Variants in ERBB4 observed in about 807,000 individuals in gnomAD.
The protein encoded by ERBB4 is erb-b2 receptor tyrosine kinase 4, also known as receptor tyrosine-protein kinase erbB-4.
A neutral mutation model predicts 158.0 loss-of-function variants in ERBB4; 42 were observed. The ratio of observed to expected loss-of-function variants is 0.27; its 90% confidence interval spans 0.21 to 0.34. The LOEUF is 0.34. Among genes scored for constraint, ERBB4 ranks in the 10% least tolerant of loss-of-function variants. The pLI, the probability that ERBB4 is intolerant of heterozygous loss-of-function variation, is 1.00. For synonymous variants in ERBB4, 583 were observed against 558.7 expected, an observed-to-expected ratio of 1.04 and a Z score of -0.61; for missense variants, 1,333 against 1,624.1, an observed-to-expected ratio of 0.82 and a Z score of 3.08.
chr2:211,858,199 T>C (rs1293779826), intron 3 of ERBB4, among the ~76,000 whole-genome samples: 7 of 152,142 alleles, frequency 4.6e-5, no homozygotes, highest in Non-Finnish European at 4.4e-5. Context: ...TGCACAGTGA[T>C]ACTGAGACCA....
intron 1 of ERBB4, among the ~76,000 whole-genome samples, chr2:212,287,759 T>C (rs558249561): frequency 6.6e-6 from 1 of 152,326 alleles, no homozygotes; most frequent in East Asian, 1.9e-4. Flanking sequence ...ATTATGTCCT[T>C]TGCAGGGACA....
intron 12 of ERBB4, among the ~76,000 whole-genome samples, chr2:211,680,663 C>T (rs1045873802): frequency 4.6e-5 from 7 of 152,204 alleles, no homozygotes; most frequent in South Asian, 2.1e-4. Context: ...TCTGAAACAG[C>T]GAAACAAATA....
intron 27 of ERBB4, among the ~76,000 whole-genome samples, chr2:211,386,090 G>A (rs1035954172): frequency 6.5e-4 from 99 of 152,242 alleles, no homozygotes; most frequent in African/African-American, 2.3e-3. Flanking sequence ...TGACACTAAA[G>A]ACTGCGAGAG....
chr2:212,111,567 T>C (rs193145115), intron 2 of ERBB4, among the ~76,000 whole-genome samples: 1 of 152,302 alleles, frequency 6.6e-6, no homozygotes, highest in East Asian at 1.9e-4. Flanking sequence ...TGAATAGAAT[T>C]TTTAAAAAGG....
chr2:212,190,928 T>A (rs2082169935), intron 1 of ERBB4, among the ~76,000 whole-genome samples: 1 of 152,098 alleles, frequency 6.6e-6, no homozygotes, highest in Non-Finnish European at 1.5e-5. Context: ...ACACATATAA[T>A]ATCCTAATGC....
intron 1 of ERBB4, among the ~76,000 whole-genome samples, chr2:212,492,401 T>TA (rs145133748): frequency 0.046 from 6,990 of 151,338 alleles, 536 homozygotes; most frequent in African/African-American, 0.16. Flanking sequence ...TAAAATAAAT[T>TA]TAAAAAATAA....
intron 2 of ERBB4, among the ~76,000 whole-genome samples, chr2:212,056,249 A>G (rs908113578): frequency 5.3e-5 from 8 of 152,222 alleles, no homozygotes; most frequent in Non-Finnish European, 8.8e-5. Context: ...AAAGAAATGA[A>G]CAAAGCCTCC....
intron 1 of ERBB4, among the ~76,000 whole-genome samples, chr2:212,280,620 T>C (rs2085721111): frequency 6.6e-6 from 1 of 151,730 alleles, no homozygotes; most frequent in East Asian, 1.9e-4. Flanking sequence ...GCTGTTGTTG[T>C]TGTTTTCCTG....
At chr2:211,644,305 T>C (rs2070705919) in intron 16 of ERBB4, among the ~76,000 whole-genome samples, 1 of 152,096 alleles carries the variant, frequency 6.6e-6, no homozygotes, top group South Asian at 2.1e-4. Flanking sequence ...ATATAACTCC[T>C]TTCTAAACTT....
At chr2:211,648,642 T>C (rs1285218870) in intron 16 of ERBB4, among the ~76,000 whole-genome samples, 2 of 151,752 alleles carry the variant, frequency 1.3e-5, no homozygotes, top group Non-Finnish European at 3.0e-5. Flanking sequence ...GAATTTTTCT[T>C]GGGAGAAATC....
At chr2:211,808,101 C>G (rs544233585) in intron 3 of ERBB4, among the ~76,000 whole-genome samples, 8 of 152,138 alleles carry the variant, frequency 5.3e-5, no homozygotes, top group African/African-American at 1.7e-4. Flanking sequence ...ATGGTAGTTT[C>G]TCTTGCTGTG....
At chr2:211,748,261 T>G (rs1283468203) in intron 5 of ERBB4, among the ~76,000 whole-genome samples, 1 of 151,584 alleles carries the variant, frequency 6.6e-6, no homozygotes, top group Non-Finnish European at 1.5e-5. Context: ...AAAGTAATTA[T>G]TTTAATTGTA....
chr2:211,918,352 C>T (rs540698759), intron 3 of ERBB4, among the ~76,000 whole-genome samples: 32 of 151,946 alleles, frequency 2.1e-4, no homozygotes, highest in South Asian at 1.0e-3. Context: ...ACCCTTATTC[C>T]ATCCCCCTGT....
chr2:211,631,241 G>A (rs2070116139), intron 16 of ERBB4, among the ~76,000 whole-genome samples: 1 of 152,122 alleles, frequency 6.6e-6, no homozygotes, highest in Non-Finnish European at 1.5e-5. Flanking sequence ...GCAAAAATGA[G>A]TGGTCTGAAG....
At chr2:211,473,579 T>C (rs2064882878) in intron 20 of ERBB4, among the ~76,000 whole-genome samples, 1 of 152,076 alleles carries the variant, frequency 6.6e-6, no homozygotes, top group Non-Finnish European at 1.5e-5. Context: ...CTCAAAACTT[T>C]TTCCTTTTCC....
chr2:211,455,843 A>C (rs1043884433), intron 20 of ERBB4, among the ~76,000 whole-genome samples: 2 of 152,204 alleles, frequency 1.3e-5, no homozygotes, highest in African/African-American at 2.4e-5. Context: ...TAATTTTATC[A>C]GTTCCAGGAG....
intron 12 of ERBB4, among the ~76,000 whole-genome samples, chr2:211,683,169 T>C (rs1466407084): frequency 6.6e-6 from 1 of 151,998 alleles, no homozygotes; most frequent in African/African-American, 2.4e-5. Context: ...TACAGAGAGA[T>C]ACCGTGTTAT....
intron 2 of ERBB4, among the ~76,000 whole-genome samples, chr2:212,038,254 CTCTT>C (rs2077060168): frequency 6.6e-6 from 1 of 151,760 alleles, no homozygotes; most frequent in Non-Finnish European, 1.5e-5. Flanking sequence ...ATATATTAGT[CTCTT>C]TATTTATATA....
chr2:212,407,054 C>A (rs2106477550), intron 1 of ERBB4, among the ~76,000 whole-genome samples: 1 of 152,076 alleles, frequency 6.6e-6, no homozygotes, highest in African/African-American at 2.4e-5. Context: ...AACCCCACTG[C>A]CCATATTCCC....
Sources: allele counts gnomAD v4.1 joint callset (sites outside exome capture counted in the v4.1 genomes callset), GRCh38; gene constraint gnomAD v4.1.1; transcripts MANE v1.5; gene names NCBI Gene and HGNC (gene_info 2026-07-23, HGNC 2026-07-21).